The following ACER3 variants were observed in gnomAD, a reference collection of about 807,000 sequenced individuals.
The protein encoded by ACER3 is alkCDase 3.
In ACER3, 16 loss-of-function variants were observed where a neutral mutation model predicts 48.9. The ratio of observed to expected loss-of-function variants is 0.33; its 90% confidence interval spans 0.22 to 0.50. The LOEUF (loss-of-function observed/expected upper bound fraction) is 0.50. ACER3 is among the 20% of genes least tolerant of loss of function. The pLI is 0.98. For missense variants in ACER3, 227 were observed against 326.0 expected, an observed-to-expected ratio of 0.70 and a Z score of 2.34; for synonymous variants, 109 against 107.8, an observed-to-expected ratio of 1.01 and a Z score of -0.07.
chr11:76,900,356 G>A (rs925285904), intron 1 of ACER3, among the ~76,000 whole-genome samples: 3 of 152,166 alleles, frequency 2.0e-5, no homozygotes, highest in Admixed American at 6.5e-5. Context: ...GGCACAGTTG[G>A]TGTGACTTTA....
At chr11:76,946,949 G>A (rs1030134600) in intron 2 of ACER3, among the ~76,000 whole-genome samples, 2 of 152,068 alleles carry the variant, frequency 1.3e-5, no homozygotes, top group African/African-American at 4.8e-5. Context: ...AACTCAGAGG[G>A]TTTCTCTCTT....
chr11:77,008,887 T>C (rs529254321), intron 7 of ACER3, among the ~76,000 whole-genome samples: 2 of 151,914 alleles, frequency 1.3e-5, no homozygotes, highest in Non-Finnish European at 2.9e-5. Context: ...GGAGACCTAG[T>C]CTATACAAAA....
intron 3 of ACER3, among the ~76,000 whole-genome samples, chr11:76,961,017 T>G (rs982682277): frequency 2.6e-5 from 4 of 151,830 alleles, no homozygotes; most frequent in African/African-American, 9.7e-5. Context: ...ACAAGCAGAG[T>G]CGAGAGGCTG....
chr11:76,995,610 T>G (rs1948894430), intron 6 of ACER3, among the ~76,000 whole-genome samples: 1 of 152,082 alleles, frequency 6.6e-6, no homozygotes, highest in African/African-American at 2.4e-5. Context: ...TGTCATCTTT[T>G]TATTAAAAAA....
At chr11:76,953,759 T>C (rs899380461) in intron 2 of ACER3, among the ~76,000 whole-genome samples, 1 of 152,210 alleles carries the variant, frequency 6.6e-6, no homozygotes, top group Non-Finnish European at 1.5e-5. Context: ...TGCTTAAAAA[T>C]ATTTTTGATA....
At chr11:76,875,732 GTTT>G (rs71040037) in intron 1 of ACER3, among the ~76,000 whole-genome samples, 3 of 67,068 alleles carry the variant, frequency 4.5e-5, no homozygotes, top group African/African-American at 1.7e-4. Flanking sequence ...AGTTTTTGTT[GTTT>G]TTTTTTTTTT....
chr11:76,873,166 C>G (rs1180206383), intron 1 of ACER3, among the ~76,000 whole-genome samples: 3 of 151,998 alleles, frequency 2.0e-5, no homozygotes, highest in African/African-American at 7.3e-5. Flanking sequence ...GCGATCCTCC[C>G]AAAGTGTTGG....
intron 7 of ACER3, among the ~76,000 whole-genome samples, chr11:77,012,455 A>G (rs1029526064): frequency 2.0e-5 from 3 of 151,774 alleles, no homozygotes; most frequent in Admixed American, 2.0e-4. Context: ...GTTAGAAGCA[A>G]TAAGTGAAAT....
chr11:76,892,166 G>A (rs1945823739), intron 1 of ACER3, among the ~76,000 whole-genome samples: 2 of 152,076 alleles, frequency 1.3e-5, no homozygotes, highest in Non-Finnish European at 2.9e-5. Context: ...GTTCTAATAT[G>A]TAGAATGAGA....
At chr11:76,964,079 A>T (rs1234889777) in intron 3 of ACER3, among the ~76,000 whole-genome samples, 2 of 151,558 alleles carry the variant, frequency 1.3e-5, no homozygotes, top group African/African-American at 4.9e-5. Context: ...GAAAGGGGTG[A>T]CCGATGGCAC....
intron 5 of ACER3, among the ~76,000 whole-genome samples, chr11:76,986,579 A>G (rs1948688745): frequency 6.6e-6 from 1 of 152,254 alleles, no homozygotes; most frequent in South Asian, 2.1e-4. Context: ...ACTATATGCC[A>G]GATATTGTAA....
intron 2 of ACER3, 32 bp downstream of exon 2, chr11:76,926,699 C>T (rs368827819): frequency 7.2e-7 from 1 of 1,397,690 alleles, no homozygotes; most frequent in Non-Finnish European, 1.0e-6. Context: ...AAGAAATGTA[C>T]AGTATTCAAA....
At chr11:77,000,846 TC>T (rs1282138508) in intron 7 of ACER3, among the ~76,000 whole-genome samples, 1 of 152,204 alleles carries the variant, frequency 6.6e-6, no homozygotes, top group Non-Finnish European at 1.5e-5. Flanking sequence ...ACAGACTGAT[TC>T]CTCCCACTTC....
chr11:76,905,604 C>T (rs1292059366), intron 1 of ACER3, among the ~76,000 whole-genome samples: 2 of 152,030 alleles, frequency 1.3e-5, no homozygotes, highest in African/African-American at 4.8e-5. Context: ...TTTGTGTAAA[C>T]GTACATAAGG....
chr11:76,936,536 CAAAT>C lies in ACER3; in HGVS notation c.214+9870_214+9873del, dbSNP rs1947190223. Among the ~76,000 whole-genome samples the C allele has an allele frequency of 2.0e-5, 3 of 151,748 alleles. No individual in the cohort carries two copies. In the South Asian group the frequency reaches 6.2e-4, roughly 32 times the overall value. ...CAGGTATAAGAAAGGAAAAGGTTGA[CAAAT>C]TATGTAAAATAAAAAAAACTTTTGT... On this transcript the variant is annotated intron_variant, in intron 2 of 10. Transcript: ENST00000532485.
chr11:76,999,075 CT>C (rs1479719982), intron 7 of ACER3, among the ~76,000 whole-genome samples: 4 of 151,958 alleles, frequency 2.6e-5, no homozygotes, highest in African/African-American at 9.7e-5. Flanking sequence ...CGACGATGGC[CT>C]TGTTTTGAAT....
intron 1 of ACER3, among the ~76,000 whole-genome samples, chr11:76,887,811 C>CTTTT (rs67954212): frequency 9.2e-5 from 8 of 87,200 alleles, no homozygotes; most frequent in Admixed American, 1.4e-4. Flanking sequence ...CTATAGGTAA[C>CTTTT]TTTTTTTTTT....
In ACER3 at chr11:76,964,082, G is replaced by A. The variant is rs532908377; in HGVS notation, c.267+5051G>A. On this transcript the variant is annotated intron_variant, in intron 3 of 10. Coordinates refer to ENST00000532485, the MANE Select transcript of ACER3 (RefSeq NM_018367.7). ...TTCCTAGTCAAAGAAAGGGGTGACC[G>A]ATGGCACCTGGAAAATCAGGTCACT... Among the ~76,000 whole-genome samples the A allele has an allele frequency of 7.3e-5, 11 of 151,592 alleles. 1 individual carries two copies. Among genetic ancestry groups the A allele is most frequent in the African/African-American group, 1.7e-4 (7 of 40,850 alleles).
At chr11:76,963,354 T>C (rs1194382147) in intron 3 of ACER3, among the ~76,000 whole-genome samples, 1 of 151,352 alleles carries the variant, frequency 6.6e-6, no homozygotes, top group Non-Finnish European at 1.5e-5. Flanking sequence ...ATGAGAGCAG[T>C]TTCTTGTGAA....
Sources: gnomAD v4.1 joint callset for allele counts (sites outside exome capture counted in the v4.1 genomes callset) on GRCh38, gnomAD v4.1.1 for gene constraint, MANE v1.5 for transcripts, NCBI Gene and HGNC (gene_info 2026-07-23, HGNC 2026-07-21) for gene names.